SYNRG: variants seen among roughly 807,000 people sequenced by gnomAD.
SYNRG encodes synergin gamma.
In SYNRG, 37 loss-of-function variants were observed where a neutral mutation model predicts 130.9. The observed-to-expected ratio is 0.28, with a 90% CI of 0.22 to 0.37. The LOEUF (loss-of-function observed/expected upper bound fraction) is 0.37. SYNRG is among the 10% of genes least tolerant of loss of function. The pLI, the probability that SYNRG is intolerant of heterozygous loss-of-function variation, is 1.00. For synonymous variants in SYNRG, 539 were observed against 568.1 expected, an observed-to-expected ratio of 0.95 and a Z score of 0.73; for missense variants, 1,338 against 1,588.9, an observed-to-expected ratio of 0.84 and a Z score of 2.68.
chr17:37,561,283 G>A, intron 12 of SYNRG, 26 bp from the exon 13 acceptor site: 1 of 1,608,792 alleles, frequency 6.2e-7, no homozygotes. Flanking sequence ...CAGAAGCTCA[G>A]TTAAGGTTAG....
chr17:37,565,503 C>T (rs991931822), intron 11 of SYNRG, among the ~76,000 whole-genome samples: 2 of 151,790 alleles, frequency 1.3e-5, no homozygotes, highest in African/African-American at 4.8e-5. Context: ...GCCTGGCCGC[C>T]CATCGTCTGG....
At chr17:37,600,424 C>G in intron 1 of SYNRG, 21 bp from the exon 2 acceptor site, 1 of 1,612,376 alleles carries the variant, frequency 6.2e-7, no homozygotes, top group East Asian at 2.2e-5. Flanking sequence ...AATAAAAATA[C>G]ATTATAATCT....
chr17:37,536,993 G>A (rs2057251990), intron 18 of SYNRG: 2 of 152,228 alleles, frequency 1.3e-5, no homozygotes, highest in African/African-American at 4.8e-5. Context: ...CCCAAGAGAG[G>A]GGCAGAAATT....
At chr17:37,604,372 G>A (rs959393766) in intron 1 of SYNRG, among the ~76,000 whole-genome samples, 3 of 152,112 alleles carry the variant, frequency 2.0e-5, no homozygotes, top group African/African-American at 7.2e-5. Context: ...TTGTTATGGA[G>A]ATAGCTTCTT....
chr17:37,584,540 G>T, intron 6 of SYNRG, 108 bp downstream of exon 6: 1 of 823,578 alleles, frequency 1.2e-6, no homozygotes, highest in Non-Finnish European at 2.0e-6. Flanking sequence ...CTTGAAGGAA[G>T]AGTTCTACAT....
chr17:37,552,952 A>C (rs1026077171), intron 14 of SYNRG, among the ~76,000 whole-genome samples, 163 bp downstream of exon 14: 4 of 152,212 alleles, frequency 2.6e-5, no homozygotes, highest in Non-Finnish European at 5.9e-5. Flanking sequence ...GTATCCATAG[A>C]ATCAAATTTA....
chr17:37,533,350 G>A lies in SYNRG; in HGVS notation c.3666+2629C>T, dbSNP rs577702112. The stretch of plus-strand genomic sequence containing the variant: ...CAGGAGGTGGAGGTTGCAGTGAGCC[G>A]AGATCACACCACTTCCCTCCAGCCT... On this transcript the variant is annotated intron_variant, in intron 19 of 21. Coordinates refer to ENST00000612223, the MANE Select transcript of SYNRG (RefSeq NM_007247.6). 1.2e-3 allele frequency among the ~76,000 whole-genome samples: 176 copies of A among 150,008 alleles called. 1 individual carries two copies. The highest frequency in any genetic ancestry group is 0.01 in the Middle Eastern group (3 of 290).
rs568391862 is a variant in SYNRG, at chr17:37,542,358, A to T, written c.2816T>A (p.Ile939Asn). The T allele has an allele frequency of 6.2e-7, 1 of 1,614,190 alleles. No homozygotes were observed. The highest frequency in any genetic ancestry group is 1.3e-5 in the African/African-American group (1 of 75,050). The change falls in exon 15 of 22, where the codon ATC becomes AAC. Residue 939 changes from isoleucine (I) to asparagine (N), a missense_variant. Transcript: ENST00000612223. ...KETSFGSSEN[I>N]TMTSLSKVTT... is the part of the protein sequence containing the mutation. The stretch of plus-strand genomic sequence containing the variant: ...TACTTTGGAGAGAGATGTCATGGTG[A>T]TGTTTTCAGAACTGCCAAATGAAGT...
In SYNRG at chr17:37,521,276, C is replaced by T. The variant is rs561602678; in HGVS notation, c.3667-628G>A. 1.4e-3 allele frequency among the ~76,000 whole-genome samples: 217 copies of T among 152,180 alleles called. 1 individual carries two copies. The highest frequency in any genetic ancestry group is 2.6e-3 in the Non-Finnish European group (178 of 68,002). On this transcript the variant is annotated intron_variant, in intron 19 of 21. Transcript: ENST00000612223. ...AACTCCTGATTGCAGGTGATCCACC[C>T]GCCTCAGCCTCCCAAAGTGGTGGGA...
Position 37,553,562 on chromosome 17 carries a change from G to A in SYNRG, c.2161C>T (p.Pro721Ser), listed in dbSNP as rs750756484. The A allele has an allele frequency of 6.2e-7, 1 of 1,614,072 alleles. No individual in the cohort carries two copies. The highest frequency in any genetic ancestry group is 2.2e-5 in the East Asian group (1 of 44,898). The change falls in exon 14 of 22, where the codon CCT (proline) becomes TCT (serine). Residue 721 changes from proline (P) to serine (S), a missense_variant. Pro to Ser is a moderately conservative substitution (Grantham distance 74). Coordinates refer to ENST00000612223, the MANE Select transcript of SYNRG (RefSeq NM_007247.6). ...KYDALKEEASPVPLTSNVGST... is the reference protein window; with the variant it reads ...KYDALKEEASSVPLTSNVGST... ...CCCACGTTGCTGGTTAGAGGAACAGGACTGGCTTCCTCTTTAAGGGCATCA... is the reference window on the plus strand; with the variant it reads ...CCCACGTTGCTGGTTAGAGGAACAGAACTGGCTTCCTCTTTAAGGGCATCA...
rs1251063852 is a variant in SYNRG, at chr17:37,606,281, C to A, written c.77+2998G>T. Among the ~76,000 whole-genome samples, 3 of 152,292 alleles carry A rather than the reference C, an allele frequency of 2.0e-5. No individual in the cohort carries two copies. In the South Asian group the frequency reaches 6.2e-4, roughly 32 times the overall value. On this transcript the variant is annotated intron_variant, in intron 1 of 21. Transcript: ENST00000612223. ...CTTCCTCTTCCTCTAACTCTGTGGG[C>A]CAAATGAAATACCACTTCTTTGCCT...
intron 19 of SYNRG, among the ~76,000 whole-genome samples, chr17:37,523,589 G>A (rs895027616): frequency 6.6e-6 from 1 of 152,122 alleles, no homozygotes; most frequent in African/African-American, 2.4e-5. Flanking sequence ...GGAATCTCAG[G>A]TGGGAGCCTA....
chr17:37,563,786 T>C (rs544362226), intron 11 of SYNRG, among the ~76,000 whole-genome samples: 1 of 151,982 alleles, frequency 6.6e-6, no homozygotes, highest in Non-Finnish European at 1.5e-5. Context: ...TCTGTCCGCC[T>C]TGGCCTCCCA....
At chr17:37,584,565 C>T (rs758426372) in intron 6 of SYNRG, 83 bp downstream of exon 6, 3 of 1,084,460 alleles carry the variant, frequency 2.8e-6, no homozygotes, top group Admixed American at 1.8e-5. Context: ...TTTTCACACA[C>T]ACATATAATG....
At chr17:37,577,754 A>G in intron 6 of SYNRG, 141 bp from the exon 7 acceptor site, 2 of 661,338 alleles carry the variant, frequency 3.0e-6, no homozygotes, top group East Asian at 5.6e-5. Context: ...GCTGTAGTGT[A>G]CTGGCATGAT....
At chr17:37,548,451 T>C (rs530945226) in intron 14 of SYNRG, among the ~76,000 whole-genome samples, 3 of 152,338 alleles carry the variant, frequency 2.0e-5, no homozygotes, top group African/African-American at 7.2e-5. Flanking sequence ...AACCTCTATA[T>C]GCAACTTTTC....
chr17:37,540,776 A>T, intron 15 of SYNRG: 1 of 710,498 alleles, frequency 1.4e-6, no homozygotes, highest in Non-Finnish European at 2.0e-6. Flanking sequence ...CTGGGACTAC[A>T]GGTGCACACC....
intron 17 of SYNRG, 106 bp downstream of exon 17, chr17:37,539,086 G>GT: frequency 6.5e-7 from 1 of 1,545,176 alleles, no homozygotes; most frequent in South Asian, 1.3e-5. Context: ...GGACATCCAA[G>GT]TAAGGCTCTC....
At chr17:37,542,787 C>T (rs11657596) in intron 14 of SYNRG, among the ~76,000 whole-genome samples, 9,974 of 152,150 alleles carry the variant, frequency 0.066, 433 homozygotes, top group Middle Eastern at 0.099. Context: ...TTACCAAGAA[C>T]CATTTTCTTT....
Sources: gnomAD v4.1 joint callset for allele counts (sites outside exome capture counted in the v4.1 genomes callset) on GRCh38, gnomAD v4.1.1 for gene constraint, MANE v1.5 for transcripts, NCBI Gene and HGNC (gene_info 2026-07-23, HGNC 2026-07-21) for gene names.